STYXL2: variants seen among roughly 807,000 people sequenced by gnomAD.
STYXL2 encodes the protein serine/threonine/tyrosine interacting like 2, also known as serine/threonine/tyrosine-interacting-like protein 2.
A neutral mutation model predicts 52.4 loss-of-function variants in STYXL2; 44 were observed. That is an observed-to-expected ratio of 0.84 (90% confidence interval 0.66 to 1.08). The LOEUF is 1.08. Among genes scored for constraint, STYXL2 ranks in the 50% least tolerant of loss-of-function variants. STYXL2 has a pLI of 0.00. For synonymous variants in STYXL2, 604 were observed against 586.9 expected, an observed-to-expected ratio of 1.03 and a Z score of -0.42; for missense variants, 1,604 against 1,471.7, an observed-to-expected ratio of 1.09 and a Z score of -1.47.
At chr1:167,099,667 T>C (rs1667361892) in intron 2 of STYXL2, among the ~76,000 whole-genome samples, 2 of 152,238 alleles carry the variant, frequency 1.3e-5, no homozygotes, top group African/African-American at 2.4e-5. Context: ...CTCCTATTCA[T>C]TGCTGGTGAG....
In STYXL2 at chr1:167,127,392, T is replaced by C; in HGVS notation, c.2261T>C (p.Met754Thr). Reference protein sequence around the residue: ...LLSRSPSVASMKAVPAASCLG... With the variant: ...LLSRSPSVASTKAVPAASCLG... Reference sequence around the variant, plus strand: ...TCCCGCTCACCGTCTGTTGCAAGCATGAAGGCAGTACCAGCGGCTAGCTGC... The same window carrying C: ...TCCCGCTCACCGTCTGTTGCAAGCACGAAGGCAGTACCAGCGGCTAGCTGC... The change falls in exon 6 of 6, where the codon ATG (methionine) becomes ACG (threonine). Residue 754 changes from methionine (M) to threonine (T), a missense_variant. Coordinates refer to ENST00000361200, the MANE Select transcript of STYXL2 (RefSeq NM_001080426.3). The C allele has an allele frequency of 1.9e-6, 3 of 1,614,174 alleles. No homozygotes were observed. The highest frequency in any genetic ancestry group is 2.5e-6 in the Non-Finnish European group (3 of 1,180,042).
Position 167,126,242 on chromosome 1 carries a change from G to T in STYXL2, c.1111G>T (p.Gly371Cys). 6.5e-7 allele frequency: 1 copy of T among 1,546,496 alleles called. No homozygotes were observed. The change falls in exon 6 of 6, where the codon GGC becomes TGC. Residue 371 changes from glycine (G) to cysteine (C), a missense_variant. By Grantham distance (159) the Gly-to-Cys change is radical (BLOSUM62 -3). Transcript: ENST00000361200. Reference sequence around the variant, plus strand: ...AGACAAGGTCCCCCAGGATGGAGGTGGCTGGCGCTCAGCCTCCTCTGGCCA... The same window carrying T: ...AGACAAGGTCCCCCAGGATGGAGGTTGCTGGCGCTCAGCCTCCTCTGGCCA... ...LSDKVPQDGG[G>C]WRSASSGQGG...
chr1:167,123,964 C>T (rs1667908876), intron 5 of STYXL2, among the ~76,000 whole-genome samples: 2 of 151,894 alleles, frequency 1.3e-5, no homozygotes, highest in Admixed American at 6.6e-5. Context: ...GTTGCCTGAG[C>T]TGGAATGCAA....
chr1:167,104,380 G>T (rs1170227676), intron 2 of STYXL2, among the ~76,000 whole-genome samples: 2 of 152,060 alleles, frequency 1.3e-5, no homozygotes, highest in Non-Finnish European at 1.5e-5. Flanking sequence ...GAACTGCTTG[G>T]TAAGGCTCGA....
intron 4 of STYXL2, among the ~76,000 whole-genome samples, chr1:167,118,007 G>A (rs1241136193): frequency 6.6e-6 from 1 of 152,218 alleles, no homozygotes; most frequent in Non-Finnish European, 1.5e-5. Flanking sequence ...ACAGTGTGCT[G>A]CTAATTGAGC....
intron 2 of STYXL2, among the ~76,000 whole-genome samples, chr1:167,108,665 G>A (rs1667556186): frequency 6.6e-6 from 1 of 152,140 alleles, no homozygotes; most frequent in South Asian, 2.1e-4. Flanking sequence ...CAGATAGGAG[G>A]GAGGACTAAC....
Position 167,127,952 on chromosome 1 carries a change from G to A in STYXL2, c.2821G>A (p.Gly941Ser). 6.2e-7 allele frequency: 1 copy of A among 1,614,148 alleles called. No individual in the cohort carries two copies. Among genetic ancestry groups the A allele is most frequent in the Non-Finnish European group, 8.5e-7 (1 of 1,180,012 alleles). Residue 941 changes from glycine (G) to serine (S), a missense_variant, in exon 6 of 6, where the codon GGC becomes AGC. By Grantham distance (56) the Gly-to-Ser change is moderately conservative. Coordinates refer to ENST00000361200, the MANE Select transcript of STYXL2 (RefSeq NM_001080426.3). ...TAGCAGTATTAATAAGTGGCTCAGT[G>A]GCCTCAGGACGGAGGAAAAACCTCC... The part of the protein sequence containing the change: ...MDSSINKWLS[G>S]LRTEEKPPFQ...
chr1:167,125,875 C>T lies in STYXL2; in HGVS notation c.744C>T (p.Ile248=), dbSNP rs762278556. The T allele has an allele frequency of 6.8e-6, 11 of 1,614,014 alleles. No homozygotes were observed. The highest frequency in any genetic ancestry group is 9.3e-6 in the Non-Finnish European group (11 of 1,180,018). Residue 248 remains isoleucine (I), a synonymous_variant, in exon 6 of 6, where the codon ATC becomes ATT. Coordinates refer to ENST00000361200, the MANE Select transcript of STYXL2 (RefSeq NM_001080426.3). ...AYLMIFHNMA[I]LEALMTVRKK... ...TGATGATCTTCCACAACATGGCCATCCTGGAGGCTTTGATGACCGTGCGTA... is the reference window on the plus strand; with the variant it reads ...TGATGATCTTCCACAACATGGCCATTCTGGAGGCTTTGATGACCGTGCGTA...
At chr1:167,098,191 T>A (rs1490010186) in intron 2 of STYXL2, among the ~76,000 whole-genome samples, 1 of 152,016 alleles carries the variant, frequency 6.6e-6, no homozygotes, top group Non-Finnish European at 1.5e-5. Context: ...TTTGTATTTT[T>A]AGTAGAGACG....
In STYXL2 at chr1:167,094,904, G is replaced by T; in HGVS notation, c.55G>T (p.Glu19Ter). Residue 19 changes from glutamate to a stop codon, truncating the protein, a stop_gained, in exon 2 of 6, where the codon GAA (glutamate) becomes TAA (stop). Transcript: ENST00000361200. LOFTEE classifies it high-confidence loss of function. ...GCAGGTAGTCCCAAGCGAGGAGGAC[G>T]AAGCCAACGTGAGGGCGGTGCAGGC... ...EEQVVPSEED[E>*]ANVRAVQAHY... 1 of 1,613,040 alleles carries T rather than the reference G, an allele frequency of 6.2e-7. No individual in the cohort carries two copies. Among genetic ancestry groups the T allele is most frequent in the Non-Finnish European group, 8.5e-7 (1 of 1,179,754 alleles).
chr1:167,113,278 G>C (rs1052177254), intron 2 of STYXL2, among the ~76,000 whole-genome samples: 8 of 152,112 alleles, frequency 5.3e-5, no homozygotes, highest in Admixed American at 3.9e-4. Flanking sequence ...AAAGAGTGGT[G>C]GCAACCTATT....
Position 167,101,913 on chromosome 1 carries a change from G to T in STYXL2, c.110+6954G>T, listed in dbSNP as rs141666047. On this transcript the variant is annotated intron_variant, in intron 2 of 5. Coordinates refer to ENST00000361200, the MANE Select transcript of STYXL2 (RefSeq NM_001080426.3). ...AAACATCCTAGATGTCCAATGACGA[G>T]TGAATGGATAAACACATTGTGTCAC... Among the ~76,000 whole-genome samples the T allele has an allele frequency of 4.1e-3, 622 of 152,132 alleles. 2 individuals are homozygous for T. The highest frequency in any genetic ancestry group is 7.2e-3 in the Admixed American group (110 of 15,284).
chr1:167,100,625 C>T (rs1373912081), intron 2 of STYXL2, among the ~76,000 whole-genome samples: 1 of 152,168 alleles, frequency 6.6e-6, no homozygotes, highest in African/African-American at 2.4e-5. Context: ...CCTTCCTAGG[C>T]AAAAACAGGC....
At chr1:167,099,924 T>C (rs1667366938) in intron 2 of STYXL2, among the ~76,000 whole-genome samples, 1 of 152,254 alleles carries the variant, frequency 6.6e-6, no homozygotes, top group Non-Finnish European at 1.5e-5. Context: ...GGCATATATA[T>C]TTATTTTAAA....
intron 4 of STYXL2, among the ~76,000 whole-genome samples, chr1:167,119,042 C>G (rs1410656732): frequency 6.6e-6 from 1 of 152,218 alleles, no homozygotes; most frequent in African/African-American, 2.4e-5. Context: ...CCTTGCCTAA[C>G]TGCATGTCTT....
At chr1:167,117,607 G>A (rs1313192221) in intron 4 of STYXL2, 48 bp downstream of exon 4, 18 of 1,519,036 alleles carry the variant, frequency 1.2e-5, no homozygotes, top group Non-Finnish European at 1.4e-5. Context: ...CCTCTGGTTA[G>A]TGCCTGAGAC....
At chr1:167,124,808 T>A (rs1667926832) in intron 5 of STYXL2, among the ~76,000 whole-genome samples, 1 of 152,162 alleles carries the variant, frequency 6.6e-6, no homozygotes, top group Admixed American at 6.5e-5. Flanking sequence ...GTGTGACATA[T>A]CCTCCCATAT....
At chr1:167,098,541 T>G (rs1667339567) in intron 2 of STYXL2, among the ~76,000 whole-genome samples, 1 of 152,204 alleles carries the variant, frequency 6.6e-6, no homozygotes, top group Non-Finnish European at 1.5e-5. Flanking sequence ...ACTGTTTCAG[T>G]TACTACTGCT....
At chr1:167,116,190 G>T (rs1347694577) in intron 3 of STYXL2, among the ~76,000 whole-genome samples, 4 of 152,078 alleles carry the variant, frequency 2.6e-5, no homozygotes, top group Admixed American at 6.5e-5. Context: ...TGTTATTTTT[G>T]TCTAACTTAA....
Sources: allele counts gnomAD v4.1 joint callset (sites outside exome capture counted in the v4.1 genomes callset), GRCh38; gene constraint gnomAD v4.1.1; transcripts MANE v1.5; gene names NCBI Gene and HGNC (gene_info 2026-07-23, HGNC 2026-07-21).